Variants in TCF4 observed in about 807,000 individuals in gnomAD.
TCF4 encodes the protein transcription factor 4, also known as SL3-3 enhancer factor 2.
A neutral mutation model predicts 82.1 loss-of-function variants in TCF4; 3 were observed. That is an observed-to-expected ratio of 0.04 (90% CI 0.02 to 0.09). TCF4 has a LOEUF of 0.09. Among genes scored for constraint, TCF4 ranks in the 10% least tolerant of loss-of-function variants. TCF4 has a pLI of 1.00. For synonymous variants in TCF4, 276 were observed against 309.6 expected (o/e 0.89, Z 1.14); for missense variants, 518 against 852.7 (o/e 0.61, Z 4.89).
chr18:55,445,220 A>G (rs193134299), intron 5 of TCF4, among the ~76,000 whole-genome samples: 92 of 152,282 alleles, frequency 6.0e-4, no homozygotes, highest in African/African-American at 2.1e-3. Context: ...CCTAAACACA[A>G]GAGACCCTTC....
chr18:55,253,484 C>T (rs1251423534), intron 15 of TCF4, among the ~76,000 whole-genome samples: 1 of 152,088 alleles, frequency 6.6e-6, no homozygotes, highest in Non-Finnish European at 1.5e-5. Context: ...CTCTGGTCAC[C>T]TCATTAATTG....
At chr18:55,604,418 T>A (rs2097700340) in intron 2 of TCF4, among the ~76,000 whole-genome samples, 1 of 152,146 alleles carries the variant, frequency 6.6e-6, no homozygotes, top group African/African-American at 2.4e-5. Context: ...GAGATGGGCC[T>A]TGCTGTGCCT....
In TCF4 at chr18:55,584,833, T is replaced by C. The variant is rs9965983; in HGVS notation, c.145+447A>G. Among the ~76,000 whole-genome samples, 912 of 152,306 alleles carry C rather than the reference T, an allele frequency of 6.0e-3. 13 individuals are homozygous for C. Among genetic ancestry groups the C allele is most frequent in the African/African-American group, 0.021 (877 of 41,582 alleles). On this transcript the variant is annotated intron_variant, in intron 3 of 19. Transcript: ENST00000354452. ...GCTATGGTTTACTACATAGCATTCATTTGCAGAATTAAGTGTTCATTTCTT... is the reference window on the plus strand; with the variant it reads ...GCTATGGTTTACTACATAGCATTCACTTGCAGAATTAAGTGTTCATTTCTT...
At chr18:55,554,062 AATTTTTTTAAAAAAG>A (rs1179040749) in intron 3 of TCF4, among the ~76,000 whole-genome samples, 1 of 152,172 alleles carries the variant, frequency 6.6e-6, no homozygotes, top group East Asian at 1.9e-4. Flanking sequence ...AGTCACTCAT[AATTTTTTTAAAAAAG>A]ATTTGCAGAA....
At chr18:55,580,132 T>C (rs1568450197) in intron 3 of TCF4, among the ~76,000 whole-genome samples, 1 of 152,020 alleles carries the variant, frequency 6.6e-6, no homozygotes, top group African/African-American at 2.4e-5. Flanking sequence ...TTAATGCATT[T>C]TATTTACTTA....
At chr18:55,232,079 T>G (rs2048078064) in intron 17 of TCF4, 1 of 180,454 alleles carries the variant, frequency 5.5e-6, no homozygotes. Context: ...TCAGCATGTT[T>G]AGGATAAATC....
intron 3 of TCF4, among the ~76,000 whole-genome samples, chr18:55,556,002 A>C (rs1393176823): frequency 6.6e-6 from 1 of 152,210 alleles, no homozygotes; most frequent in Non-Finnish European, 1.5e-5. Flanking sequence ...ACAGATATTA[A>C]TAAAGGAGAA....
intron 8 of TCF4, among the ~76,000 whole-genome samples, chr18:55,319,613 T>G (rs950571065): frequency 6.6e-6 from 1 of 151,918 alleles, no homozygotes; most frequent in African/African-American, 2.4e-5. Flanking sequence ...ATAAACGCCT[T>G]AAAACAGTTC....
chr18:55,398,227 C>A (rs1015727931), intron 6 of TCF4, among the ~76,000 whole-genome samples: 7 of 152,124 alleles, frequency 4.6e-5, no homozygotes, highest in South Asian at 2.1e-4. Context: ...ATACCCATAA[C>A]AATCCCCCAA....
intron 8 of TCF4, among the ~76,000 whole-genome samples, chr18:55,302,829 T>A (rs989604833): frequency 6.6e-6 from 1 of 152,180 alleles, no homozygotes; most frequent in African/African-American, 2.4e-5. Flanking sequence ...TCCTGTGACC[T>A]CCTGGGAATA....
At chr18:55,330,015 A>G (rs79034601) in intron 8 of TCF4, among the ~76,000 whole-genome samples, 6,208 of 152,224 alleles carry the variant, frequency 0.041, 161 homozygotes, top group African/African-American at 0.066. Context: ...TGAATGCCAC[A>G]TTCTTTATGG....
intron 3 of TCF4, chr18:55,519,165 GC>G (rs2096911075): frequency 6.6e-6 from 1 of 152,176 alleles, no homozygotes; most frequent in Non-Finnish European, 1.5e-5. Context: ...AGGCGTGCTG[GC>G]TCATGCCTTA....
At chr18:55,314,716 A>G (rs1004927887) in intron 8 of TCF4, among the ~76,000 whole-genome samples, 1 of 151,844 alleles carries the variant, frequency 6.6e-6, no homozygotes, top group Non-Finnish European at 1.5e-5. Flanking sequence ...GTGAAGATCC[A>G]ATACACACAC....
At chr18:55,251,056 A>G (rs1469590177) in intron 15 of TCF4, among the ~76,000 whole-genome samples, 1 of 152,202 alleles carries the variant, frequency 6.6e-6, no homozygotes, top group Non-Finnish European at 1.5e-5. Flanking sequence ...AAAGTTCCGA[A>G]GGAGAACATA....
At chr18:55,453,233 A>C (rs1806248565) in intron 5 of TCF4, among the ~76,000 whole-genome samples, 1 of 13,078 alleles carries the variant, frequency 7.6e-5, no homozygotes, top group African/African-American at 1.2e-4. Flanking sequence ...TGACACAAGA[A>C]GCTGTGACCC....
rs1210305494 is a variant in TCF4, at chr18:55,401,073, T to C, written c.369+2381A>G. The C allele has an allele frequency of 3.9e-6, 5 of 1,289,130 alleles. No homozygotes were observed. In the South Asian group the frequency reaches 6.2e-5, roughly 16 times the overall value. The allele number at this position is 1,289,130 out of a possible 1,614,324, so 79.9% of individuals were successfully genotyped here. ...CTTGAAGCCCAAGATACTGAGATTT[T>C]GCCTTTCTCTTTGGTTTGCATAGCT... On this transcript the variant is annotated intron_variant, in intron 6 of 19. Transcript: ENST00000354452.
chr18:55,303,889 T>C (rs959727237), intron 8 of TCF4, among the ~76,000 whole-genome samples: 1 of 152,088 alleles, frequency 6.6e-6, no homozygotes, highest in Admixed American at 6.6e-5. Flanking sequence ...ACAAAATAAA[T>C]CCATCTGGTT....
At chr18:55,521,950 C>T (rs963052411) in intron 3 of TCF4, among the ~76,000 whole-genome samples, 5 of 152,110 alleles carry the variant, frequency 3.3e-5, no homozygotes, top group Admixed American at 1.3e-4. Flanking sequence ...CATGAACAGT[C>T]GGATGGAAAC....
chr18:55,425,733 A>G (rs1364073032), intron 5 of TCF4, among the ~76,000 whole-genome samples: 3 of 152,212 alleles, frequency 2.0e-5, no homozygotes, highest in African/African-American at 7.2e-5. Flanking sequence ...AGCCTATTCT[A>G]GCTCAAGATC....
Sources: allele counts gnomAD v4.1 joint callset (sites outside exome capture counted in the v4.1 genomes callset), GRCh38; gene constraint gnomAD v4.1.1; transcripts MANE v1.5; gene names NCBI Gene and HGNC (gene_info 2026-07-23, HGNC 2026-07-21).